The following RSU1 variants were observed in gnomAD, a reference collection of about 807,000 sequenced individuals.
The protein encoded by RSU1 is Ras suppressor protein 1, also known as rsu-1.
RSU1 carries 26 observed loss-of-function variants against 31.1 expected under a neutral mutation model. The observed-to-expected ratio is 0.84, with a 90% CI of 0.61 to 1.16. The LOEUF (loss-of-function observed/expected upper bound fraction) is 1.16, where lower values mean the gene tolerates loss of function less well. RSU1 is among the 50% of genes most tolerant of loss of function. RSU1 has a pLI of 0.00. For synonymous variants in RSU1, 164 were observed against 136.3 expected, an observed-to-expected ratio of 1.20 and a Z score of -1.41; for missense variants, 320 against 339.1, an observed-to-expected ratio of 0.94 and a Z score of 0.44.
At chr10:16,706,318 T>C (rs1320674156) in intron 7 of RSU1, among the ~76,000 whole-genome samples, 1 of 152,218 alleles carries the variant, frequency 6.6e-6, no homozygotes, top group African/African-American at 2.4e-5. Flanking sequence ...TTATATAGCA[T>C]TGTAGTTTTC....
intron 2 of RSU1, among the ~76,000 whole-genome samples, chr10:16,784,658 C>T (rs943709441): frequency 6.6e-6 from 1 of 152,156 alleles, no homozygotes; most frequent in Non-Finnish European, 1.5e-5. Flanking sequence ...ACAATCATGG[C>T]AGAAGGCAAA....
intron 8 of RSU1, among the ~76,000 whole-genome samples, chr10:16,691,655 T>TA (rs1430520392): frequency 6.6e-6 from 1 of 151,734 alleles, no homozygotes; most frequent in Non-Finnish European, 1.5e-5. Flanking sequence ...AAGCAGCTGT[T>TA]ATGGAACCAG....
At chr10:16,764,265 AAC>A (rs2131631179) in intron 4 of RSU1, 123 bp downstream of exon 4, 1 of 1,194,878 alleles carries the variant, frequency 8.4e-7, no homozygotes, top group Non-Finnish European at 1.1e-6. Context: ...TAAGACCCAA[AAC>A]ATAAAAAGAA....
At chr10:16,595,310 G>T (rs1009744702) in intron 8 of RSU1, among the ~76,000 whole-genome samples, 2 of 152,084 alleles carry the variant, frequency 1.3e-5, no homozygotes, top group Admixed American at 6.5e-5. Context: ...TGTGATCCAG[G>T]AAAGCTGGAC....
intron 7 of RSU1, among the ~76,000 whole-genome samples, chr10:16,708,710 G>A (rs1278071063): frequency 6.6e-6 from 1 of 151,998 alleles, no homozygotes; most frequent in African/African-American, 2.4e-5. Context: ...TCCAAACCAT[G>A]AAGACAAAGT....
rs535073215 is a variant in RSU1, at chr10:16,734,906, G to A, written c.598+17633C>T. ...TCCAATATGACTGTTGTCCTTACAA[G>A]AAGGGCAAAGCTGAACACAGACAGG... On this transcript the variant is annotated intron_variant, in intron 7 of 8. Transcript: ENST00000345264. Among the ~76,000 whole-genome samples the A allele has an allele frequency of 2.0e-5, 3 of 152,266 alleles. No individual in the cohort carries two copies. In the East Asian group the frequency reaches 5.8e-4, roughly 29 times the overall value.
At chr10:16,674,435 T>C (rs1034519763) in intron 8 of RSU1, among the ~76,000 whole-genome samples, 94 of 148,600 alleles carry the variant, frequency 6.3e-4, no homozygotes, top group Non-Finnish European at 1.2e-4. Context: ...CTAACAGAAA[T>C]GTTTACACTG....
At chr10:16,629,046 C>T (rs896843757) in intron 8 of RSU1, among the ~76,000 whole-genome samples, 2 of 152,154 alleles carry the variant, frequency 1.3e-5, no homozygotes, top group South Asian at 2.1e-4. Flanking sequence ...CTATCAACAC[C>T]GCTGCCATGG....
At chr10:16,687,549 T>C (rs1835461675) in intron 8 of RSU1, among the ~76,000 whole-genome samples, 2 of 152,150 alleles carry the variant, frequency 1.3e-5, no homozygotes, top group East Asian at 3.8e-4. Context: ...CAAAATACAC[T>C]AAGCAATCTA....
Position 16,652,040 on chromosome 10 carries a change from G to A in RSU1, c.731+42983C>T, listed in dbSNP as rs75566186. On this transcript the variant is annotated intron_variant, in intron 8 of 8. Transcript: ENST00000345264. ...GGGAGGAGAGAGCACATTTATGTAC[G>A]CAAAAACTATGTAAATTCTGAGTGG... Among the ~76,000 whole-genome samples, 594 of 152,172 alleles carry A rather than the reference G, an allele frequency of 3.9e-3. 1 individual carries two copies. The highest frequency in any genetic ancestry group is 0.021 in the Middle Eastern group (6 of 292).
chr10:16,767,935 G>A (rs1472273436), intron 3 of RSU1, among the ~76,000 whole-genome samples: 3 of 152,120 alleles, frequency 2.0e-5, no homozygotes, highest in Middle Eastern at 3.2e-3. Flanking sequence ...CTATACATAC[G>A]TGGCGGGAAC....
chr10:16,758,714 G>A (rs762475850), intron 4 of RSU1, among the ~76,000 whole-genome samples: 1 of 152,206 alleles, frequency 6.6e-6, no homozygotes, highest in Non-Finnish European at 1.5e-5. Context: ...AATGAGAGCT[G>A]TTGCTAGAAT....
intron 7 of RSU1, among the ~76,000 whole-genome samples, chr10:16,739,288 C>T (rs1322712723): frequency 6.6e-6 from 1 of 152,050 alleles, no homozygotes; most frequent in Admixed American, 6.5e-5. Flanking sequence ...AATTGCCACA[C>T]TGTCTTCCAG....
In RSU1 at chr10:16,593,144, G is replaced by T; in HGVS notation, c.*250C>A. The stretch of plus-strand genomic sequence containing the variant: ...AGAGCCCACTATGGAATTCGCAGTT[G>T]AATAAGAGCTTTGTTCCCTGCTTTT... On this transcript the variant is annotated 3_prime_UTR_variant, in exon 9 of 9. Transcript: ENST00000345264. 2.0e-6 allele frequency: 1 copy of T among 507,506 alleles called. No individual in the cohort carries two copies. Among genetic ancestry groups the T allele is most frequent in the Non-Finnish European group, 3.1e-6 (1 of 325,250 alleles). 31.4% of individuals were successfully genotyped at this position (507,506 alleles called of 1,614,324 possible).
At chr10:16,714,580 G>A (rs182883407) in intron 7 of RSU1, among the ~76,000 whole-genome samples, 57 of 152,212 alleles carry the variant, frequency 3.7e-4, no homozygotes, top group African/African-American at 7.5e-4. Flanking sequence ...CTTCAGCACC[G>A]TACAGATCTG....
chr10:16,683,160 GGTGT>G (rs4012467), intron 8 of RSU1, among the ~76,000 whole-genome samples: 41 of 143,416 alleles, frequency 2.9e-4, no homozygotes, highest in Non-Finnish European at 4.4e-4. Context: ...ATGGGTGTGT[GGTGT>G]GTGTGTGTGT....
chr10:16,735,638 AG>A (rs1322410270), intron 7 of RSU1, among the ~76,000 whole-genome samples: 12 of 152,152 alleles, frequency 7.9e-5, no homozygotes, highest in Non-Finnish European at 1.8e-4. Context: ...ATGGCTGGGG[AG>A]GCCTCAGGAA....
intron 8 of RSU1, among the ~76,000 whole-genome samples, chr10:16,598,976 C>G (rs1163515125): frequency 6.6e-6 from 1 of 152,024 alleles, no homozygotes; most frequent in African/African-American, 2.4e-5. Context: ...AAGGTGTGTC[C>G]CAAAGGAAAA....
At chr10:16,761,263 A>G (rs971241022) in intron 4 of RSU1, among the ~76,000 whole-genome samples, 3 of 152,206 alleles carry the variant, frequency 2.0e-5, no homozygotes, top group African/African-American at 4.8e-5. Flanking sequence ...TATTTAGCAC[A>G]GAGTGCTTTT....
Sources: gnomAD v4.1 joint callset for allele counts (sites outside exome capture counted in the v4.1 genomes callset) on GRCh38, gnomAD v4.1.1 for gene constraint, MANE v1.5 for transcripts, NCBI Gene and HGNC (gene_info 2026-07-23, HGNC 2026-07-21) for gene names.